The following ZNF438 variants were observed in gnomAD, a reference collection of about 807,000 sequenced individuals.
ZNF438 encodes the protein zinc finger protein 438.
Under a neutral mutation model 38.0 loss-of-function variants are expected in ZNF438, and 25 were observed. The observed-to-expected ratio is 0.66, with a 90% confidence interval of 0.48 to 0.92. The LOEUF is 0.92. Among genes scored for constraint, ZNF438 ranks in the 40% least tolerant of loss-of-function variants. The pLI, the probability that ZNF438 is intolerant of heterozygous loss-of-function variation, is 0.00. For missense variants in ZNF438, 1,007 were observed against 999.6 expected (o/e 1.01, Z -0.10); for synonymous variants, 372 against 364.1 (o/e 1.02, Z -0.25).
chr10:30,930,311 G>A (rs1410915269), intron 2 of ZNF438, among the ~76,000 whole-genome samples: 1 of 152,120 alleles, frequency 6.6e-6, no homozygotes, highest in Non-Finnish European at 1.5e-5. Context: ...CGCAGCTGTT[G>A]GCCCAGGTGC....
chr10:30,989,282 G>T (rs139189374), intron 1 of ZNF438, among the ~76,000 whole-genome samples: 210 of 152,164 alleles, frequency 1.4e-3, no homozygotes, highest in Non-Finnish European at 2.5e-3. Flanking sequence ...AATATACTAC[G>T]TAAGGGAGAT....
intron 1 of ZNF438, among the ~76,000 whole-genome samples, chr10:30,968,117 T>C (rs373168138): frequency 6.2e-4 from 94 of 152,334 alleles, no homozygotes; most frequent in African/African-American, 1.6e-3. Context: ...ACATATGTAC[T>C]ATATCACTGC....
rs115282310 is a variant in ZNF438 at position 30,982,558 on chromosome 10, G to A, written c.-191-40907C>T. On this transcript the variant is annotated intron_variant, in intron 1 of 5. Transcript: ENST00000413025. Reference sequence around the variant, plus strand: ...CAAGCAACACAGAAATTTCCAAGCCGGACAATTATTCTGCAAGAGTTATTC... The same window carrying A: ...CAAGCAACACAGAAATTTCCAAGCCAGACAATTATTCTGCAAGAGTTATTC... Among the ~76,000 whole-genome samples the A allele has an allele frequency of 5.9e-3, 891 of 152,100 alleles. 9 individuals are homozygous for A. Among genetic ancestry groups the A allele is most frequent in the African/African-American group, 0.021 (859 of 41,470 alleles).
intron 1 of ZNF438, among the ~76,000 whole-genome samples, chr10:30,957,401 A>ATTTG (rs1186049967): frequency 6.6e-6 from 1 of 152,014 alleles, no homozygotes; most frequent in Admixed American, 6.6e-5. Flanking sequence ...ATGTAATCCC[A>ATTTG]TTTGTTTATT....
chr10:30,848,872 G>C, exon 5 of ZNF438: 1 of 1,614,248 alleles, frequency 6.2e-7, no homozygotes, highest in Non-Finnish European at 8.5e-7. Context: ...GGTGGTTGCA[G>C]ACGTGACATC....
In ZNF438 at chr10:30,930,803, C is replaced by CAAAAAAAAAAAAAAAAAAAAAAAA. The variant is rs71527620; in HGVS notation, c.-115+10748_-115+10771dup. Among the ~76,000 whole-genome samples the CAAAAAAAAAAAAAAAAAAAAAAAA allele has an allele frequency of 1.1e-3, 41 of 38,434 alleles. 5 individuals are homozygous for CAAAAAAAAAAAAAAAAAAAAAAAA. The highest frequency in any genetic ancestry group is 3.4e-3 in the East Asian group (2 of 590). The allele number at this position is 38,434 out of a possible 152,430, so 25.2% of individuals were successfully genotyped here. A position where few individuals can be genotyped will look rare whatever the true frequency, so the allele number is the denominator to read the frequency against. On this transcript the variant is annotated intron_variant, in intron 2 of 5. Coordinates refer to ENST00000413025, the Ensembl canonical transcript of ZNF438. ...GCCTGGCGACAGAGAGAAACTCAGTCAAAAAAAAAAAAAAAAAAAAAAAAA... is the reference window on the plus strand; with the variant it reads ...GCCTGGCGACAGAGAGAAACTCAGTCAAAAAAAAAAAAAAAAAAAAAAAAAAAAAAAAAAAAAAAAAAAAAAAAA...
chr10:30,986,131 A>G (rs977394439), intron 1 of ZNF438, among the ~76,000 whole-genome samples: 4 of 152,140 alleles, frequency 2.6e-5, no homozygotes, highest in Non-Finnish European at 5.9e-5. Flanking sequence ...ATATCAGTAC[A>G]CTCTATGATA....
chr10:30,968,083 A>T (rs192264627), intron 1 of ZNF438, among the ~76,000 whole-genome samples: 3 of 152,334 alleles, frequency 2.0e-5, no homozygotes, highest in Non-Finnish European at 2.9e-5. Context: ...GCTGTTCCGC[A>T]AAACAGCCTC....
At chr10:31,019,307 G>A (rs990142518) in intron 1 of ZNF438, among the ~76,000 whole-genome samples, 1 of 151,982 alleles carries the variant, frequency 6.6e-6, no homozygotes, top group Non-Finnish European at 1.5e-5. Context: ...TCCTAATATT[G>A]TTCCCATAAA....
intron 2 of ZNF438, among the ~76,000 whole-genome samples, chr10:30,918,397 G>A (rs2043896170): frequency 6.6e-6 from 1 of 152,016 alleles, no homozygotes; most frequent in African/African-American, 2.4e-5. Flanking sequence ...CAACCATATG[G>A]CATCTCTCTT....
intron 3 of ZNF438, among the ~76,000 whole-genome samples, chr10:30,907,692 C>T (rs1420257169): frequency 6.6e-6 from 1 of 151,952 alleles, no homozygotes; most frequent in Non-Finnish European, 1.5e-5. Context: ...GTAGTGATAT[C>T]CCCTCTTTCT....
intron 1 of ZNF438, among the ~76,000 whole-genome samples, chr10:31,022,022 T>C (rs1052790321): frequency 6.6e-6 from 1 of 151,958 alleles, no homozygotes; most frequent in African/African-American, 2.4e-5. Context: ...TGAAGGAAAA[T>C]TTTTTAAAAT....
intron 4 of ZNF438, among the ~76,000 whole-genome samples, chr10:30,876,416 C>T (rs562371580): frequency 1.3e-5 from 2 of 152,252 alleles, no homozygotes; most frequent in South Asian, 2.1e-4. Context: ...GAAGAAAGGA[C>T]TCTACCTCCA....
intron 3 of ZNF438, among the ~76,000 whole-genome samples, chr10:30,889,464 G>C (rs994291130): frequency 7.2e-5 from 11 of 152,214 alleles, no homozygotes; most frequent in Non-Finnish European, 1.5e-4. Context: ...TGGATGGAGT[G>C]GCACCATCTT....
chr10:31,009,535 A>G (rs1266630609), intron 1 of ZNF438, among the ~76,000 whole-genome samples: 5 of 152,180 alleles, frequency 3.3e-5, no homozygotes, highest in Admixed American at 2.0e-4. Flanking sequence ...ATTATATGTG[A>G]GGTGCTGCAC....
chr10:30,853,096 A>C (rs1384781610), intron 4 of ZNF438, among the ~76,000 whole-genome samples: 1 of 152,212 alleles, frequency 6.6e-6, no homozygotes, highest in African/African-American at 2.4e-5. Flanking sequence ...CTTAATAAAT[A>C]ATTACATTAA....
intron 1 of ZNF438, among the ~76,000 whole-genome samples, chr10:30,972,515 T>G (rs1370461278): frequency 2.0e-5 from 3 of 152,208 alleles, no homozygotes; most frequent in African/African-American, 7.2e-5. Flanking sequence ...ATAAAGTGTG[T>G]ATGAACTATG....
At chr10:30,857,353 C>T (rs2034833962) in intron 4 of ZNF438, among the ~76,000 whole-genome samples, 2 of 149,994 alleles carry the variant, frequency 1.3e-5, no homozygotes, top group South Asian at 4.2e-4. Context: ...CTCCCAGGTT[C>T]AAGTGATTCT....
At chr10:30,845,523 T>C (rs1245617519) in exon 6 of ZNF438, 17 of 1,613,902 alleles carry the variant, frequency 1.1e-5, no homozygotes, top group Non-Finnish European at 1.4e-5. Context: ...TAATTTGACT[T>C]CGTCTGCCTG....
Sources: allele counts gnomAD v4.1 joint callset (sites outside exome capture counted in the v4.1 genomes callset), GRCh38; gene constraint gnomAD v4.1.1; transcripts MANE v1.5; gene names NCBI Gene and HGNC (gene_info 2026-07-23, HGNC 2026-07-21).